Variants in SNTG1 observed in about 807,000 individuals in gnomAD.
SNTG1 encodes the protein syntrophin gamma 1, also known as gamma-1-syntrophin.
In SNTG1, 39 loss-of-function variants were observed where a neutral mutation model predicts 74.7. The ratio of observed to expected loss-of-function variants is 0.52; its 90% CI spans 0.40 to 0.68. The LOEUF (loss-of-function observed/expected upper bound fraction) is 0.68. Among genes scored for constraint, SNTG1 ranks in the 30% least tolerant of loss-of-function variants. SNTG1 has a pLI of 0.00. For synonymous variants in SNTG1, 254 were observed against 217.1 expected (o/e 1.17, Z -1.49); for missense variants, 685 against 609.5 (o/e 1.12, Z -1.30).
intron 1 of SNTG1, among the ~76,000 whole-genome samples, chr8:50,123,484 T>C (rs2081056910): frequency 7.0e-6 from 1 of 142,386 alleles, no homozygotes; most frequent in Non-Finnish European, 1.6e-5. Flanking sequence ...CTGCCAAAAA[T>C]ATAAAGAGAT....
chr8:50,791,054 C>T (rs1257997371), intron 18 of SNTG1, among the ~76,000 whole-genome samples: 3 of 151,904 alleles, frequency 2.0e-5, no homozygotes, highest in Admixed American at 6.6e-5. Context: ...GAACATTTTA[C>T]ATTTTCCCAA....
At chr8:50,461,351 G>A (rs527520561) in intron 8 of SNTG1, among the ~76,000 whole-genome samples, 2 of 152,004 alleles carry the variant, frequency 1.3e-5, no homozygotes, top group Non-Finnish European at 1.5e-5. Context: ...GAGTTTTTCA[G>A]AATTCTTCAT....
intron 1 of SNTG1, among the ~76,000 whole-genome samples, chr8:49,920,085 A>C (rs548281351): frequency 6.6e-6 from 1 of 152,192 alleles, no homozygotes; most frequent in African/African-American, 2.4e-5. Context: ...GAGAAAACTA[A>C]AATATGTCCA....
intron 1 of SNTG1, among the ~76,000 whole-genome samples, chr8:50,035,825 A>G (rs2130784352): frequency 6.6e-6 from 1 of 152,246 alleles, no homozygotes; most frequent in South Asian, 2.1e-4. Context: ...GACAGCATGG[A>G]GGGCCAGATG....
In SNTG1 at chr8:50,092,056, C is replaced by T. The variant is rs139804728; in HGVS notation, c.-102-80505C>T. ...TTCGTATTCTAAGGAAAATATAATGCCTTTATTTATTGTATGCCACTGAAT... is the reference window on the plus strand; with the variant it reads ...TTCGTATTCTAAGGAAAATATAATGTCTTTATTTATTGTATGCCACTGAAT... On this transcript the variant is annotated intron_variant, in intron 1 of 18. Coordinates refer to ENST00000642720, the MANE Select transcript of SNTG1 (RefSeq NM_018967.5). Among the ~76,000 whole-genome samples the T allele has an allele frequency of 3.3e-3, 504 of 152,142 alleles. 2 individuals are homozygous for T. Among genetic ancestry groups the T allele is most frequent in the Admixed American group, 6.3e-3 (96 of 15,270 alleles).
intron 2 of SNTG1, among the ~76,000 whole-genome samples, chr8:50,331,772 G>T (rs1203641192): frequency 6.6e-6 from 1 of 152,174 alleles, no homozygotes; most frequent in African/African-American, 2.4e-5. Flanking sequence ...TTTGCCAGGA[G>T]ATTCTGTGAG....
intron 15 of SNTG1, among the ~76,000 whole-genome samples, chr8:50,702,553 G>A (rs1006090917): frequency 6.6e-6 from 1 of 152,188 alleles, no homozygotes; most frequent in Non-Finnish European, 1.5e-5. Flanking sequence ...CATTTTGGGT[G>A]TTTAATAATG....
rs544394185 is a variant in SNTG1 at position 50,295,001 on chromosome 8, C to T, written c.-27-99211C>T. Among the ~76,000 whole-genome samples the T allele has an allele frequency of 5.6e-4, 85 of 152,206 alleles. No homozygotes were observed. The South Asian group carries it at 7.0e-3, about 13-fold the overall frequency. ...AGTCAACAGATACAGGCTGAAGTCA[C>T]CAGATCAGTTAGGTAAGTAGAATAT... On this transcript the variant is annotated intron_variant, in intron 2 of 18. Coordinates refer to ENST00000642720, the MANE Select transcript of SNTG1 (RefSeq NM_018967.5).
intron 3 of SNTG1, 38 bp downstream of exon 3, chr8:50,394,303 C>T (rs1360424122): frequency 1.9e-6 from 3 of 1,602,678 alleles, no homozygotes; most frequent in Non-Finnish European, 2.6e-6. Context: ...ACAGGGAAAA[C>T]AGAATATAAG....
intron 1 of SNTG1, among the ~76,000 whole-genome samples, chr8:50,151,675 G>C (rs979537326): frequency 6.6e-6 from 1 of 152,178 alleles, no homozygotes; most frequent in African/African-American, 2.4e-5. Context: ...GTACCCAGTA[G>C]TCATTCATGA....
intron 12 of SNTG1, among the ~76,000 whole-genome samples, chr8:50,589,361 G>T (rs1035846392): frequency 2.0e-5 from 3 of 151,982 alleles, no homozygotes; most frequent in Non-Finnish European, 4.4e-5. Context: ...GATCTCTGTG[G>T]GAGAAAACAT....
At chr8:50,497,650 A>C (rs769370564) in intron 8 of SNTG1, among the ~76,000 whole-genome samples, 7 of 152,034 alleles carry the variant, frequency 4.6e-5, no homozygotes, top group Non-Finnish European at 8.8e-5. Context: ...TTATCTTCAC[A>C]GTACTGTGTC....
chr8:50,741,777 T>TGATTGGA (rs1201868775), intron 17 of SNTG1, among the ~76,000 whole-genome samples: 3 of 152,036 alleles, frequency 2.0e-5, no homozygotes, highest in African/African-American at 7.2e-5. Context: ...AAGGATTATA[T>TGATTGGA]ACTGTATGAT....
chr8:50,186,436 G>T (rs1234269794), intron 2 of SNTG1, among the ~76,000 whole-genome samples: 3 of 152,028 alleles, frequency 2.0e-5, no homozygotes, highest in Non-Finnish European at 4.4e-5. Context: ...ATCAATCAAA[G>T]TCCTTGAGGA....
At chr8:49,921,620 T>A (rs1450935006) in intron 1 of SNTG1, among the ~76,000 whole-genome samples, 1 of 152,152 alleles carries the variant, frequency 6.6e-6, no homozygotes, top group East Asian at 1.9e-4. Flanking sequence ...TAGGTGATGC[T>A]GCATTTCTGG....
At chr8:50,744,871 C>G (rs1232362613) in intron 17 of SNTG1, among the ~76,000 whole-genome samples, 1 of 151,948 alleles carries the variant, frequency 6.6e-6, no homozygotes, top group African/African-American at 2.4e-5. Flanking sequence ...AAGTTAGACC[C>G]TGGCCTTATA....
intron 2 of SNTG1, among the ~76,000 whole-genome samples, chr8:50,379,188 C>T (rs1025170185): frequency 6.6e-6 from 1 of 152,200 alleles, no homozygotes; most frequent in Non-Finnish European, 1.5e-5. Flanking sequence ...GGCAGCATTG[C>T]CTTGAGCATG....
intron 15 of SNTG1, among the ~76,000 whole-genome samples, chr8:50,688,562 A>G (rs907628455): frequency 4.6e-5 from 7 of 152,004 alleles, no homozygotes; most frequent in African/African-American, 4.8e-5. Context: ...AGATCAGATA[A>G]TTGTAGATAT....
intron 1 of SNTG1, among the ~76,000 whole-genome samples, chr8:50,128,952 AT>A (rs1420847940): frequency 6.6e-6 from 1 of 152,106 alleles, no homozygotes; most frequent in Admixed American, 6.6e-5. Flanking sequence ...CAGAAATGAA[AT>A]TTCAGATCAT....
Sources: allele counts gnomAD v4.1 joint callset (sites outside exome capture counted in the v4.1 genomes callset), GRCh38; gene constraint gnomAD v4.1.1; transcripts MANE v1.5; gene names NCBI Gene and HGNC (gene_info 2026-07-23, HGNC 2026-07-21).